The following TRIM4 variants were observed in gnomAD, a reference collection of about 807,000 sequenced individuals.
TRIM4 encodes tripartite motif containing 4.
TRIM4 carries 29 observed loss-of-function variants against 33.7 expected under a neutral mutation model. The ratio of observed to expected loss-of-function variants is 0.86; its 90% CI spans 0.64 to 1.17. The LOEUF is 1.17. Ranked by LOEUF, TRIM4 falls within the 50% of genes most tolerant of loss-of-function variation. TRIM4 has a pLI of 0.00. For missense variants in TRIM4, 554 were observed against 593.7 expected, an observed-to-expected ratio of 0.93 and a Z score of 0.69; for synonymous variants, 224 against 233.0, an observed-to-expected ratio of 0.96 and a Z score of 0.35.
chr7:99,911,330 G>C (rs529117564), intron 1 of TRIM4, among the ~76,000 whole-genome samples: 15 of 152,180 alleles, frequency 9.9e-5, no homozygotes, highest in Non-Finnish European at 2.1e-4. Context: ...AAAACCAAGA[G>C]AGAATGGTTT....
In TRIM4 at chr7:99,891,751, T is replaced by G. The variant is rs1194978824; in HGVS notation, c.*412A>C. The G allele has an allele frequency of 5.9e-6, 1 of 169,212 alleles. No homozygotes were observed. Among genetic ancestry groups the G allele is most frequent in the Non-Finnish European group, 1.3e-5 (1 of 77,526 alleles). 10.5% of individuals were successfully genotyped at this position (169,212 alleles called of 1,614,324 possible). A position where few individuals can be genotyped will look rare whatever the true frequency, so the allele number is the denominator to read the frequency against. On this transcript the variant is annotated 3_prime_UTR_variant, in exon 6 of 6. Coordinates refer to ENST00000349062, the MANE Select transcript of TRIM4 (RefSeq NM_033091.3). ...ATACAACTAAAATTGTCTTATACAA[T>G]AAGGGCGTAATTATCTCATATAACA...
chr7:99,901,915 G>A (rs1258407236), intron 5 of TRIM4: 1 of 592,356 alleles, frequency 1.7e-6, no homozygotes, highest in Non-Finnish European at 3.0e-6. Flanking sequence ...CCAGTACTTT[G>A]CGAACTCTCA....
intron 5 of TRIM4, among the ~76,000 whole-genome samples, chr7:99,898,981 GGC>G (rs779933063): frequency 4.5e-4 from 69 of 152,200 alleles, no homozygotes; most frequent in Non-Finnish European, 8.4e-4. Context: ...TGCAGCATCT[GGC>G]AGCAATGCTA....
At chr7:99,909,133 G>GGTGTGTGTGTGTGTGT (rs140032652) in intron 2 of TRIM4, among the ~76,000 whole-genome samples, 11 of 148,410 alleles carry the variant, frequency 7.4e-5, no homozygotes, top group South Asian at 2.2e-4. Context: ...GGAGTGTGAG[G>GGTGTGTGTGTGTGTGT]GTGTGTGTGT....
intron 3 of TRIM4, among the ~76,000 whole-genome samples, chr7:99,905,867 G>C (rs1179495802): frequency 6.6e-6 from 1 of 152,206 alleles, no homozygotes; most frequent in Non-Finnish European, 1.5e-5. Context: ...AACGAGTGCT[G>C]GGTGTGGTGG....
At position 99,907,729 on chromosome 7, in the gene TRIM4, G is replaced by A. The variant is rs892388830; in HGVS notation, c.720+853C>T. On this transcript the variant is annotated intron_variant, in intron 3 of 5. Transcript: ENST00000349062. ...TTCTTATTGATAATAACTACTGGGT[G>A]GGTCCAGGTTTCTGACTTCCTTAAG... Among the ~76,000 whole-genome samples the A allele has an allele frequency of 9.9e-5, 15 of 152,238 alleles. 2 individuals are homozygous for A. Among genetic ancestry groups the A allele is most frequent in the Admixed American group, 9.2e-4 (14 of 15,282 alleles).
intron 1 of TRIM4, among the ~76,000 whole-genome samples, chr7:99,913,070 G>GA (rs1819480516): frequency 6.6e-6 from 1 of 152,128 alleles, no homozygotes; most frequent in Non-Finnish European, 1.5e-5. Flanking sequence ...CCAAGTTTTT[G>GA]AAAGTTTTCA....
At chr7:99,918,491 G>A (rs895249293) in intron 1 of TRIM4, among the ~76,000 whole-genome samples, 9 of 151,958 alleles carry the variant, frequency 5.9e-5, no homozygotes, top group East Asian at 3.9e-4. Context: ...CTTGAACCCC[G>A]GAGGAGGAGG....
At chr7:99,894,469 C>G (rs899485490) in intron 5 of TRIM4, among the ~76,000 whole-genome samples, 1 of 152,062 alleles carries the variant, frequency 6.6e-6, no homozygotes, top group Non-Finnish European at 1.5e-5. Context: ...TCAAGACCAG[C>G]CTGACCAACA....
chr7:99,903,150 G>A lies in TRIM4; in HGVS notation c.841+68C>T, dbSNP rs1408263602. On this transcript the variant is annotated intron_variant, in intron 5 of 5. Coordinates refer to ENST00000349062, the MANE Select transcript of TRIM4 (RefSeq NM_033091.3). ...CATGCTGTTTCCTCTTTCCTCTCCA[G>A]ACTTCTCTCTTTATTCTCCTATTTG... is the stretch of plus-strand genomic sequence containing the variant. 5.7e-6 allele frequency: 7 copies of A among 1,235,190 alleles called. No homozygotes were observed. In the East Asian group the frequency reaches 9.2e-5, roughly 16 times the overall value. 76.5% of individuals were successfully genotyped at this position (1,235,190 alleles called of 1,614,324 possible).
At chr7:99,918,568 A>G (rs1201623164) in intron 1 of TRIM4, among the ~76,000 whole-genome samples, 4 of 149,262 alleles carry the variant, frequency 2.7e-5, no homozygotes, top group Admixed American at 2.7e-4. Flanking sequence ...CCATCTCAGA[A>G]AAAAAAAAAA....
chr7:99,906,730 G>A (rs1276500403), intron 3 of TRIM4, among the ~76,000 whole-genome samples: 3 of 151,928 alleles, frequency 2.0e-5, no homozygotes, highest in Non-Finnish European at 2.9e-5. Flanking sequence ...TGTAATCCCC[G>A]AACACTTTGG....
At position 99,891,952 on chromosome 7, in the gene TRIM4, A is replaced by G. The variant is rs1818899996; in HGVS notation, c.*211T>C. On this transcript the variant is annotated 3_prime_UTR_variant, in exon 6 of 6. Coordinates refer to ENST00000349062, the MANE Select transcript of TRIM4 (RefSeq NM_033091.3). Reference sequence around the variant, plus strand: ...AAGATTTCCCAAAAGCGTCTTGGAAAATTTCCTGTCCCATCTCCATTGGCC... The same window carrying G: ...AAGATTTCCCAAAAGCGTCTTGGAAGATTTCCTGTCCCATCTCCATTGGCC... 1.2e-5 allele frequency: 6 copies of G among 490,670 alleles called. No homozygotes were observed. The East Asian group carries it at 1.6e-4, about 13-fold the overall frequency. 30.4% of individuals were successfully genotyped at this position (490,670 alleles called of 1,614,324 possible). A position where few individuals can be genotyped will look rare whatever the true frequency, so the allele number is the denominator to read the frequency against.
intron 5 of TRIM4, among the ~76,000 whole-genome samples, chr7:99,898,420 G>A (rs1819073628): frequency 6.6e-6 from 1 of 152,220 alleles, no homozygotes; most frequent in Admixed American, 6.5e-5. Context: ...TGGCTAGGGT[G>A]GCACAGTAAC....
chr7:99,908,419 T>C (rs1178178450), intron 3 of TRIM4, 163 bp downstream of exon 3: 1 of 618,046 alleles, frequency 1.6e-6, no homozygotes, highest in Non-Finnish European at 2.8e-6. Context: ...TTAATTTCCT[T>C]TGAATGGTGA....
intron 1 of TRIM4, among the ~76,000 whole-genome samples, chr7:99,911,905 T>C (rs1370093180): frequency 1.3e-5 from 2 of 152,144 alleles, no homozygotes; most frequent in Non-Finnish European, 1.5e-5. Flanking sequence ...GATAGGAAGG[T>C]GGATAAATAA....
chr7:99,910,475 T>C (rs1458784409), intron 1 of TRIM4, among the ~76,000 whole-genome samples: 2 of 152,228 alleles, frequency 1.3e-5, no homozygotes, highest in Non-Finnish European at 2.9e-5. Flanking sequence ...TGTCTATATA[T>C]TGACATGAAA....
At chr7:99,902,148 T>C (rs1819189523) in intron 5 of TRIM4, 1 of 765,182 alleles carries the variant, frequency 1.3e-6, no homozygotes, top group African/African-American at 1.7e-5. Context: ...TTGTGCCTGT[T>C]TTGTTTTTGT....
At position 99,902,071 on chromosome 7, in the gene TRIM4, C is replaced by T. The variant is rs558408077; in HGVS notation, c.841+1147G>A. 6.5e-5 allele frequency: 50 copies of T among 763,628 alleles called. 1 individual carries two copies. The highest frequency in any genetic ancestry group is 5.8e-4 in the South Asian group (43 of 74,266). 47.3% of individuals were successfully genotyped at this position (763,628 alleles called of 1,614,324 possible). Reference sequence around the variant, plus strand: ...TCATAGGCTGACCTCATTTGTTTCACATTTCTCAGGAATCACCGTCCTTCA... The same window carrying T: ...TCATAGGCTGACCTCATTTGTTTCATATTTCTCAGGAATCACCGTCCTTCA... On this transcript the variant is annotated intron_variant, in intron 5 of 5. Coordinates refer to ENST00000349062, the MANE Select transcript of TRIM4 (RefSeq NM_033091.3).
Sources: gnomAD v4.1 joint callset for allele counts (sites outside exome capture counted in the v4.1 genomes callset) on GRCh38, gnomAD v4.1.1 for gene constraint, MANE v1.5 for transcripts, NCBI Gene and HGNC (gene_info 2026-07-23, HGNC 2026-07-21) for gene names.